Variants in MTSS1 observed in about 807,000 individuals in gnomAD.
MTSS1 encodes protein MTSS 1.
Under a neutral mutation model 79.0 loss-of-function variants are expected in MTSS1, and 18 were observed. The observed-to-expected ratio is 0.23, with a 90% CI of 0.16 to 0.34. MTSS1 has a LOEUF of 0.34. Ranked by LOEUF, MTSS1 falls within the 10% of genes least tolerant of loss-of-function variation. The pLI, the probability that MTSS1 is intolerant of heterozygous loss-of-function variation, is 1.00. For synonymous variants in MTSS1, 341 were observed against 368.6 expected, an observed-to-expected ratio of 0.93 and a Z score of 0.86; for missense variants, 815 against 986.2, an observed-to-expected ratio of 0.83 and a Z score of 2.33.
At chr8:124,593,691 T>C (rs1422354830) in intron 3 of MTSS1, among the ~76,000 whole-genome samples, 2 of 152,146 alleles carry the variant, frequency 1.3e-5, no homozygotes, top group Non-Finnish European at 2.9e-5. Flanking sequence ...TCGCAGCACC[T>C]CCAGCCGCAT....
intron 3 of MTSS1, among the ~76,000 whole-genome samples, chr8:124,695,790 G>C (rs1828708697): frequency 6.6e-6 from 1 of 151,412 alleles, no homozygotes; most frequent in Non-Finnish European, 1.5e-5. Context: ...TGTTTCTTAG[G>C]GGCTACCTTC....
intron 3 of MTSS1, among the ~76,000 whole-genome samples, chr8:124,624,169 T>C (rs949028906): frequency 2.0e-5 from 3 of 152,166 alleles, no homozygotes; most frequent in African/African-American, 7.2e-5. Flanking sequence ...CGAAGACTCA[T>C]ATAGGACAGA....
chr8:124,648,709 G>GCCCCC lies in MTSS1; in HGVS notation c.208+50812_208+50816dup, dbSNP rs565378341. ...GGAAGAGTCTTCATCCCAAATAGCAGCCCCCCCCCAGATACTGACCAGACG... is the reference window on the plus strand; with the variant it reads ...GGAAGAGTCTTCATCCCAAATAGCAGCCCCCCCCCCCCCCAGATACTGACCAGACG... On this transcript the variant is annotated intron_variant, in intron 3 of 13. Coordinates refer to ENST00000518547, the MANE Select transcript of MTSS1 (RefSeq NM_014751.6). Among the ~76,000 whole-genome samples, 753 of 147,604 alleles carry GCCCCC rather than the reference G, an allele frequency of 5.1e-3. 12 individuals carry two copies. Among genetic ancestry groups the GCCCCC allele is most frequent in the African/African-American group, 0.017 (639 of 38,654 alleles).
chr8:124,553,737 C>T lies in MTSS1; in HGVS notation c.1568-45G>A, dbSNP rs13269215. On this transcript the variant is annotated intron_variant, in intron 13 of 13. Coordinates refer to ENST00000518547, the MANE Select transcript of MTSS1 (RefSeq NM_014751.6). The surrounding 1 kb of genome is among the most constrained non-coding windows in gnomAD (Gnocchi z 6.0). Reference sequence around the variant, plus strand: ...AGACATATTCAAGACAGCAGCTGTGCTTTTTTGATTCTTCTGGGCTGGGAG... The same window carrying T: ...AGACATATTCAAGACAGCAGCTGTGTTTTTTTGATTCTTCTGGGCTGGGAG... 187,505 of 1,529,314 alleles carry T rather than the reference C, an allele frequency of 0.12. 12,713 individuals are homozygous for T. The highest frequency in any genetic ancestry group is 0.14 in the Non-Finnish European group (155,269 of 1,125,430). The allele number at this position is 1,529,314 out of a possible 1,614,324, so 94.7% of individuals were successfully genotyped here. A position where few individuals can be genotyped will look rare whatever the true frequency, so the allele number is the denominator to read the frequency against.
At chr8:124,606,487 C>G (rs1834908820) in intron 3 of MTSS1, among the ~76,000 whole-genome samples, 1 of 152,072 alleles carries the variant, frequency 6.6e-6, no homozygotes, top group African/African-American at 2.4e-5. Context: ...CAGATGAGGC[C>G]AAGGGTACTC....
intron 3 of MTSS1, among the ~76,000 whole-genome samples, chr8:124,629,631 C>T (rs927876158): frequency 2.6e-5 from 4 of 152,090 alleles, no homozygotes; most frequent in Middle Eastern, 3.4e-3. Context: ...ACCTGAAACA[C>T]GAGTTCCCAC....
In MTSS1 at chr8:124,563,924, A is replaced by G. The variant is rs760447353; in HGVS notation, c.825-932T>C. Reference sequence around the variant, plus strand: ...AGCGGGTGGATCACCTGAAGTCAGGAGTTCAAGACTAGCCTGGCCAATACG... The same window carrying G: ...AGCGGGTGGATCACCTGAAGTCAGGGGTTCAAGACTAGCCTGGCCAATACG... On this transcript the variant is annotated intron_variant, in intron 9 of 13. Transcript: ENST00000518547. Among the ~76,000 whole-genome samples the G allele has an allele frequency of 8.9e-4, 135 of 152,314 alleles. 2 individuals are homozygous for G. The highest frequency in any genetic ancestry group is 2.9e-3 in the East Asian group (15 of 5,178).
intron 11 of MTSS1, among the ~76,000 whole-genome samples, chr8:124,557,416 G>A (rs1454270152): frequency 6.6e-6 from 1 of 152,208 alleles, no homozygotes; most frequent in African/African-American, 2.4e-5. Context: ...GGTGCACACT[G>A]CACTGCCGTC....
chr8:124,716,887 C>A (rs1460861417), intron 1 of MTSS1, among the ~76,000 whole-genome samples: 1 of 151,368 alleles, frequency 6.6e-6, no homozygotes, highest in Non-Finnish European at 1.5e-5. Context: ...GTTTCAAAAG[C>A]CTTGAAAAAA....
chr8:124,554,475 C>T (rs1823149745), intron 13 of MTSS1, among the ~76,000 whole-genome samples: 1 of 152,004 alleles, frequency 6.6e-6, no homozygotes, highest in Admixed American at 6.6e-5. Flanking sequence ...ATAAAATCAC[C>T]CTCCAATAAG....
intron 9 of MTSS1, among the ~76,000 whole-genome samples, chr8:124,565,197 CAG>C (rs1179827843): frequency 6.6e-6 from 1 of 152,186 alleles, no homozygotes; most frequent in African/African-American, 2.4e-5. Context: ...CAGTGACTGA[CAG>C]AGCAAGAACT....
intron 3 of MTSS1, among the ~76,000 whole-genome samples, chr8:124,697,569 AC>A (rs1487346246): frequency 4.6e-5 from 7 of 152,158 alleles, no homozygotes; most frequent in Non-Finnish European, 1.0e-4. Context: ...TCAAAAAAAA[AC>A]AAAAAACAAA....
At chr8:124,598,870 C>T (rs1303788244) in intron 3 of MTSS1, among the ~76,000 whole-genome samples, 4 of 152,034 alleles carry the variant, frequency 2.6e-5, no homozygotes, top group African/African-American at 7.3e-5. Flanking sequence ...GATCTAAGGC[C>T]GCAGCTGTCT....
chr8:124,602,207 A>ATATATATAC, intron 3 of MTSS1, among the ~76,000 whole-genome samples: 3 of 142,206 alleles, frequency 2.1e-5, no homozygotes, highest in African/African-American at 8.2e-5. Context: ...ATATATATAT[A>ATATATATAC]ATTTTTTTTT....
chr8:124,590,829 T>G (rs1831734769), intron 4 of MTSS1, among the ~76,000 whole-genome samples: 1 of 152,170 alleles, frequency 6.6e-6, no homozygotes, highest in African/African-American at 2.4e-5. Flanking sequence ...GCCCCTCTTC[T>G]TGCGAGGCTC....
intron 3 of MTSS1, among the ~76,000 whole-genome samples, chr8:124,646,620 G>C (rs1049227098): frequency 7.9e-5 from 12 of 151,958 alleles, no homozygotes; most frequent in African/African-American, 2.2e-4. Context: ...ATGAAAGCAG[G>C]GTTTCTCAAG....
intron 3 of MTSS1, among the ~76,000 whole-genome samples, chr8:124,602,820 G>C (rs1007712508): frequency 6.6e-6 from 1 of 152,196 alleles, no homozygotes; most frequent in Non-Finnish European, 1.5e-5. Flanking sequence ...AGAAAGGACA[G>C]TGTTCCTGTA....
At chr8:124,658,623 T>G (rs1375356116) in intron 3 of MTSS1, among the ~76,000 whole-genome samples, 2 of 152,208 alleles carry the variant, frequency 1.3e-5, no homozygotes, top group East Asian at 3.9e-4. Context: ...CATGGCAGAA[T>G]GCAAAGAGGG....
intron 11 of MTSS1, among the ~76,000 whole-genome samples, chr8:124,556,978 G>A (rs554370389): frequency 1.3e-5 from 2 of 152,348 alleles, no homozygotes; most frequent in Admixed American, 6.5e-5. Flanking sequence ...GAGGGCTAAA[G>A]TCAAAACCTG....
Sources: allele counts gnomAD v4.1 joint callset (sites outside exome capture counted in the v4.1 genomes callset), GRCh38; gene constraint gnomAD v4.1.1; non-coding constraint Gnocchi (gnomAD v3.1); transcripts MANE v1.5; gene names NCBI Gene and HGNC (gene_info 2026-07-23, HGNC 2026-07-21).